The following COBLL1 variants were observed in gnomAD, a reference collection of about 807,000 sequenced individuals.
COBLL1 encodes cordon-bleu WH2 repeat protein like 1, also known as cordon-bleu protein-like 1.
Under a neutral mutation model 94.8 loss-of-function variants are expected in COBLL1, and 50 were observed. The ratio of observed to expected loss-of-function variants is 0.53; its 90% CI spans 0.42 to 0.67. COBLL1 has a LOEUF of 0.67. Among genes scored for constraint, COBLL1 ranks in the 30% least tolerant of loss-of-function variants. COBLL1 has a pLI of 0.00. For missense variants in COBLL1, 1,362 were observed against 1,348.7 expected, an observed-to-expected ratio of 1.01 and a Z score of -0.15; for synonymous variants, 448 against 473.8, an observed-to-expected ratio of 0.95 and a Z score of 0.71.
intron 2 of COBLL1, among the ~76,000 whole-genome samples, chr2:164,797,866 G>A (rs189443301): frequency 5.3e-5 from 8 of 152,242 alleles, no homozygotes; most frequent in East Asian, 1.9e-4. Context: ...AGATACAAAT[G>A]TTACTAAATA....
At chr2:164,799,345 T>G (rs73968265) in intron 2 of COBLL1, among the ~76,000 whole-genome samples, 2,030 of 152,186 alleles carry the variant, frequency 0.013, 21 homozygotes, top group African/African-American at 0.035. Flanking sequence ...TTCCATATAA[T>G]AGCAATAAAC....
In COBLL1 at chr2:164,764,685, G is replaced by A. The variant is rs74738995; in HGVS notation, c.42-20810C>T. On this transcript the variant is annotated intron_variant, in intron 2 of 13. Transcript: ENST00000652658. ...ATCAGAGAGGTTATCACAGACTATGGAGGTCATGGCAAAATGACTCAGCAG... is the reference window on the plus strand; with the variant it reads ...ATCAGAGAGGTTATCACAGACTATGAAGGTCATGGCAAAATGACTCAGCAG... Among the ~76,000 whole-genome samples the A allele has an allele frequency of 2.2e-3, 337 of 152,226 alleles. 2 individuals carry two copies. Among genetic ancestry groups the A allele is most frequent in the African/African-American group, 7.8e-3 (325 of 41,538 alleles).
intron 2 of COBLL1, among the ~76,000 whole-genome samples, chr2:164,760,433 G>C (rs1687623018): frequency 6.6e-6 from 1 of 152,140 alleles, no homozygotes; most frequent in Non-Finnish European, 1.5e-5. Context: ...GTTTCTTTGT[G>C]GTGGTGAAGA....
At chr2:164,758,441 C>G (rs1465203554) in intron 2 of COBLL1, among the ~76,000 whole-genome samples, 1 of 152,046 alleles carries the variant, frequency 6.6e-6, no homozygotes, top group Non-Finnish European at 1.5e-5. Context: ...ATAACAAACC[C>G]AAACCACAAA....
At chr2:164,670,275 T>C (rs536893858) in intron 1 of COBLL1, among the ~76,000 whole-genome samples, 1 of 152,250 alleles carries the variant, frequency 6.6e-6, no homozygotes, top group South Asian at 2.1e-4. Context: ...AGAATATATG[T>C]AGAAAAAGAG....
At chr2:164,707,711 T>A (rs540433126) in intron 7 of COBLL1, among the ~76,000 whole-genome samples, 1 of 152,134 alleles carries the variant, frequency 6.6e-6, no homozygotes, top group South Asian at 2.1e-4. Flanking sequence ...AAAAAATGAA[T>A]GATATGCTGC....
intron 2 of COBLL1, among the ~76,000 whole-genome samples, chr2:164,830,939 T>A (rs911829090): frequency 1.3e-5 from 2 of 152,234 alleles, no homozygotes. Flanking sequence ...ACAAAGTTCA[T>A]AGGTAATAAT....
intron 3 of COBLL1, 31 bp from the exon 4 acceptor site, chr2:164,730,146 A>G: frequency 6.4e-7 from 1 of 1,562,716 alleles, no homozygotes; most frequent in Non-Finnish European, 8.8e-7. Context: ...ATTACCCGTT[A>G]TTGTTTTGAG....
At chr2:164,822,532 A>G (rs1269673156) in intron 2 of COBLL1, among the ~76,000 whole-genome samples, 1 of 152,104 alleles carries the variant, frequency 6.6e-6, no homozygotes, top group African/African-American at 2.4e-5. Flanking sequence ...CGAAGGTAGT[A>G]TTCTCCAAGT....
rs372858049 is a variant in COBLL1, at chr2:164,705,002, G to A, written c.1100C>T (p.Pro367Leu). The A allele has an allele frequency of 3.7e-6, 6 of 1,604,314 alleles. No homozygotes were observed. The highest frequency in any genetic ancestry group is 5.1e-6 in the Non-Finnish European group (6 of 1,175,942). ...LRRTKRKAPS[P>L]PSKIPPHQSD... ...TTGATGCGGGGGTATTTTGGAGGGT[G>A]GGGAAGGTGCTTTTCGCTTTGTCCT... is the stretch of plus-strand genomic sequence containing the variant. The change falls in exon 8 of 14, where the codon CCA becomes CTA. Residue 367 changes from proline to leucine, a missense_variant. Physicochemically the swap from Pro to Leu is moderately conservative, Grantham distance 98. Coordinates refer to ENST00000652658, the MANE Select transcript of COBLL1 (RefSeq NM_001365672.2).
intron 11 of COBLL1, 79 bp from the exon 12 acceptor site, chr2:164,695,915 C>A (rs1407790699): frequency 6.1e-6 from 7 of 1,138,548 alleles, no homozygotes; most frequent in Non-Finnish European, 7.3e-6. Flanking sequence ...TTTCTCCAAC[C>A]TGAAATAGTT....
chr2:164,747,691 G>T (rs1686936033), intron 2 of COBLL1, among the ~76,000 whole-genome samples: 1 of 152,062 alleles, frequency 6.6e-6, no homozygotes, highest in Admixed American at 6.6e-5. Flanking sequence ...GGCCAGGCTG[G>T]TCTTGAACTC....
chr2:164,821,966 T>C (rs116160776), intron 2 of COBLL1, among the ~76,000 whole-genome samples: 365 of 152,336 alleles, frequency 2.4e-3, no homozygotes, highest in Middle Eastern at 6.8e-3. Context: ...CATTAATAAC[T>C]TAGCTACAGA....
intron 2 of COBLL1, among the ~76,000 whole-genome samples, chr2:164,801,282 A>G (rs1683773508): frequency 6.6e-6 from 1 of 151,056 alleles, no homozygotes. Context: ...TACTAAAAAT[A>G]CAAAAAATTA....
At chr2:164,779,996 TTTTA>T (rs1340618655) in intron 2 of COBLL1, among the ~76,000 whole-genome samples, 2 of 152,186 alleles carry the variant, frequency 1.3e-5, no homozygotes, top group African/African-American at 4.8e-5. Flanking sequence ...GATATGATAC[TTTTA>T]TTTCTTTTAT....
intron 2 of COBLL1, among the ~76,000 whole-genome samples, chr2:164,811,408 A>G (rs962116823): frequency 2.0e-5 from 3 of 151,964 alleles, no homozygotes; most frequent in African/African-American, 7.2e-5. Flanking sequence ...ATTGTAAAGC[A>G]CTGTATCAGT....
At chr2:164,815,106 G>A (rs1684655992) in intron 2 of COBLL1, among the ~76,000 whole-genome samples, 1 of 152,082 alleles carries the variant, frequency 6.6e-6, no homozygotes, top group Non-Finnish European at 1.5e-5. Flanking sequence ...GGTCAGAAAT[G>A]CATACTTTCC....
chr2:164,706,087 T>C (rs897819445), intron 7 of COBLL1, among the ~76,000 whole-genome samples: 1 of 152,130 alleles, frequency 6.6e-6, no homozygotes, highest in Non-Finnish European at 1.5e-5. Context: ...GTCTCCAATT[T>C]CTCTTATCCC....
chr2:164,823,835 C>T (rs551428617), intron 2 of COBLL1, among the ~76,000 whole-genome samples: 28 of 152,232 alleles, frequency 1.8e-4, no homozygotes, highest in African/African-American at 6.7e-4. Context: ...GATCTGTAAC[C>T]TTTCAGTTCT....
Sources: allele counts gnomAD v4.1 joint callset (sites outside exome capture counted in the v4.1 genomes callset), GRCh38; gene constraint gnomAD v4.1.1; transcripts MANE v1.5; gene names NCBI Gene and HGNC (gene_info 2026-07-23, HGNC 2026-07-21).